Variants in PTPN14 observed in about 807,000 individuals in gnomAD.
The protein encoded by PTPN14 is protein tyrosine phosphatase non-receptor type 14.
PTPN14 carries 53 observed loss-of-function variants against 126.8 expected under a neutral mutation model. The observed-to-expected ratio is 0.42, with a 90% CI of 0.34 to 0.53. The LOEUF is 0.53. Among genes scored for constraint, PTPN14 ranks in the 20% least tolerant of loss-of-function variants. The probability of loss-of-function intolerance (pLI) is 0.08; values close to 1 mark genes in which losing one functional copy is unlikely to be tolerated. For missense variants in PTPN14, 1,257 were observed against 1,552.9 expected, an observed-to-expected ratio of 0.81 and a Z score of 3.20; for synonymous variants, 630 against 599.3, an observed-to-expected ratio of 1.05 and a Z score of -0.75.
chr1:214,496,223 A>C (rs1203090071), intron 1 of PTPN14, among the ~76,000 whole-genome samples: 1 of 152,180 alleles, frequency 6.6e-6, no homozygotes, highest in Non-Finnish European at 1.5e-5. Context: ...GATCCCAGTG[A>C]ACAGGTGAGA....
Position 214,403,186 on chromosome 1 carries a change from G to A in PTPN14, c.511-233C>T, listed in dbSNP as rs557875416. On this transcript the variant is annotated intron_variant, in intron 5 of 18. Coordinates refer to ENST00000366956, the MANE Select transcript of PTPN14 (RefSeq NM_005401.5). ...ATTTCCAGGCATATTTTGGGTTGCC[G>A]CGTAAGTTCTGTGGTGCCAGGGAAT... 1.6e-4 allele frequency among the ~76,000 whole-genome samples: 25 copies of A among 152,230 alleles called. No homozygotes were observed. In the South Asian group the frequency reaches 3.5e-3, roughly 21 times the overall value.
At chr1:214,504,295 C>A (rs941847987) in intron 1 of PTPN14, among the ~76,000 whole-genome samples, 1 of 152,122 alleles carries the variant, frequency 6.6e-6, no homozygotes, top group Non-Finnish European at 1.5e-5. Context: ...ACCTTTTAGC[C>A]ATGGTTGCAT....
intron 3 of PTPN14, among the ~76,000 whole-genome samples, chr1:214,439,369 T>C (rs1266283689): frequency 1.3e-5 from 2 of 152,242 alleles, no homozygotes; most frequent in Non-Finnish European, 2.9e-5. Context: ...CTATCTTTTC[T>C]ACCTTCTTCA....
chr1:214,386,330 A>T (rs553205924), intron 12 of PTPN14, among the ~76,000 whole-genome samples: 1 of 152,338 alleles, frequency 6.6e-6, no homozygotes, highest in Admixed American at 6.5e-5. Context: ...TTTTGGGAGA[A>T]AGAGAGGAAT....
Position 214,358,009 on chromosome 1 carries a change from C to CT in PTPN14, c.3476dup (p.Arg1160GlufsTer70). 1.2e-6 allele frequency: 2 copies of CT among 1,613,840 alleles called. No individual in the cohort carries two copies. Among genetic ancestry groups the CT allele is most frequent in the Non-Finnish European group, 1.7e-6 (2 of 1,179,954 alleles). On this transcript the variant is annotated frameshift_variant, in exon 19 of 19. Transcript: ENST00000366956. LOFTEE classifies it high-confidence loss of function. ...CGATAGTCTGGATCATGAACATCCT[C>CT]TGCTCCCTGAGGAGCCTCAGCATCA... is the stretch of plus-strand genomic sequence containing the variant.
rs1390245378 is a variant in PTPN14, at chr1:214,544,587, T to C, written c.-155+6596A>G. On this transcript the variant is annotated intron_variant, in intron 1 of 18. Coordinates refer to ENST00000366956, the MANE Select transcript of PTPN14 (RefSeq NM_005401.5). The stretch of plus-strand genomic sequence containing the variant: ...CAACACAGCAAAACCCCATCTCTAC[T>C]AAAAATTTAAAAATTAGCCAGGTGT... Among the ~76,000 whole-genome samples the C allele has an allele frequency of 2.6e-5, 4 of 151,972 alleles. No homozygotes were observed. The East Asian group carries it at 7.8e-4, about 29-fold the overall frequency.
At chr1:214,472,396 C>T (rs748619755) in intron 1 of PTPN14, among the ~76,000 whole-genome samples, 4 of 152,150 alleles carry the variant, frequency 2.6e-5, no homozygotes, top group Non-Finnish European at 5.9e-5. Flanking sequence ...GAGGCCCTCA[C>T]CAGAAGCAGA....
chr1:214,474,119 C>T (rs1293658874), intron 1 of PTPN14, among the ~76,000 whole-genome samples: 2 of 152,150 alleles, frequency 1.3e-5, no homozygotes, highest in African/African-American at 4.8e-5. Flanking sequence ...ACCTTTCAAG[C>T]CTTTCTAAAG....
At chr1:214,373,090 T>C (rs895548661) in intron 15 of PTPN14, among the ~76,000 whole-genome samples, 28 of 152,346 alleles carry the variant, frequency 1.8e-4, no homozygotes, top group African/African-American at 6.5e-4. Context: ...AGTCTTGCTC[T>C]GCTGCTTAGG....
intron 3 of PTPN14, among the ~76,000 whole-genome samples, chr1:214,427,579 G>A (rs2102602527): frequency 6.6e-6 from 1 of 152,204 alleles, no homozygotes; most frequent in African/African-American, 2.4e-5. Context: ...GTTATTCTAG[G>A]CACTAGGGAT....
chr1:214,423,160 A>T (rs1659582056), intron 3 of PTPN14, among the ~76,000 whole-genome samples: 1 of 151,864 alleles, frequency 6.6e-6, no homozygotes, highest in South Asian at 2.1e-4. Context: ...GAGGGAGGGG[A>T]AGGAAAGTCA....
intron 1 of PTPN14, among the ~76,000 whole-genome samples, chr1:214,539,457 A>G (rs1213574879): frequency 1.3e-5 from 2 of 152,200 alleles, no homozygotes; most frequent in African/African-American, 4.8e-5. Context: ...CAATAAGGAG[A>G]TAGCCTAATT....
At chr1:214,494,261 T>C (rs907981475) in intron 1 of PTPN14, among the ~76,000 whole-genome samples, 15 of 152,148 alleles carry the variant, frequency 9.9e-5, no homozygotes, top group Non-Finnish European at 2.2e-4. Flanking sequence ...GGTTTCACCA[T>C]GTTAGCCAGG....
At chr1:214,526,139 T>C (rs573488740) in intron 1 of PTPN14, among the ~76,000 whole-genome samples, 5 of 151,906 alleles carry the variant, frequency 3.3e-5, no homozygotes, top group East Asian at 1.9e-4. Context: ...CTAATTTTTA[T>C]ATTTTTAGTA....
chr1:214,409,070 C>T (rs1659237853), intron 5 of PTPN14, among the ~76,000 whole-genome samples: 1 of 152,108 alleles, frequency 6.6e-6, no homozygotes. Context: ...TTAACATATC[C>T]ATCATCTCTT....
intron 1 of PTPN14, among the ~76,000 whole-genome samples, chr1:214,503,605 T>C (rs1654761149): frequency 1.3e-5 from 2 of 152,254 alleles, no homozygotes; most frequent in Non-Finnish European, 2.9e-5. Flanking sequence ...CCCTTTCCTC[T>C]CTCAAAGCAA....
In PTPN14 at chr1:214,352,223, C is replaced by T. The variant is rs1290071436; in HGVS notation, c.*5699G>A. The T allele has an allele frequency of 6.6e-6, 1 of 152,176 alleles. No homozygotes were observed. Among genetic ancestry groups the T allele is most frequent in the East Asian group, 1.9e-4 (1 of 5,204 alleles). 9.4% of individuals were successfully genotyped at this position (152,176 alleles called of 1,614,324 possible). A position where few individuals can be genotyped will look rare whatever the true frequency, so the allele number is the denominator to read the frequency against. ...TCCAGTCTATGAAATTGATGGATGC[C>T]AGACACTCAATGCTAGGCTCATGGA... is the stretch of plus-strand genomic sequence containing the variant. On this transcript the variant is annotated 3_prime_UTR_variant, in exon 19 of 19. Transcript: ENST00000366956.
intron 3 of PTPN14, among the ~76,000 whole-genome samples, chr1:214,430,732 A>T (rs571034007): frequency 2.8e-4 from 43 of 152,322 alleles, no homozygotes; most frequent in Middle Eastern, 3.4e-3. Flanking sequence ...TATACATCTC[A>T]TTAGTTCTGT....
intron 5 of PTPN14, among the ~76,000 whole-genome samples, chr1:214,406,499 A>G (rs1007363006): frequency 1.3e-5 from 2 of 152,158 alleles, no homozygotes; most frequent in Non-Finnish European, 2.9e-5. Context: ...AAGAAAAAAA[A>G]AAGTAGCCAA....
Sources: gnomAD v4.1 joint callset for allele counts (sites outside exome capture counted in the v4.1 genomes callset) on GRCh38, gnomAD v4.1.1 for gene constraint, MANE v1.5 for transcripts, NCBI Gene and HGNC (gene_info 2026-07-23, HGNC 2026-07-21) for gene names.